Variants in PDCD11 observed in about 807,000 individuals in gnomAD.
The protein encoded by PDCD11 is programmed cell death 11, also known as protein RRP5 homolog.
A neutral mutation model predicts 198.9 loss-of-function variants in PDCD11; 97 were observed. The observed-to-expected ratio is 0.49, with a 90% confidence interval of 0.41 to 0.58. The LOEUF (loss-of-function observed/expected upper bound fraction) is 0.58, where lower values mean the gene tolerates loss of function less well. PDCD11 is among the 20% of genes least tolerant of loss of function. PDCD11 has a pLI of 0.00. For synonymous variants in PDCD11, 893 were observed against 918.0 expected (o/e 0.97, Z 0.49); for missense variants, 2,102 against 2,312.7 (o/e 0.91, Z 1.87).
rs1344025764 is a variant in PDCD11, at chr10:103,418,552, A to G, written c.2024A>G (p.Asn675Ser). ...TCTCATCTGTCGGACCACGTTGCCAACGGCCCATTGTTACATCATTGGCTC... is the reference window on the plus strand; with the variant it reads ...TCTCATCTGTCGGACCACGTTGCCAGCGGCCCATTGTTACATCATTGGCTC... ...PTSHLSDHVANGPLLHHWLQA... is the reference protein window; with the variant it reads ...PTSHLSDHVASGPLLHHWLQA... Residue 675 changes from asparagine to serine, a missense_variant, in exon 15 of 36, where the codon AAC (asparagine) becomes AGC (serine). Asn to Ser is a conservative substitution (Grantham distance 46). Coordinates refer to ENST00000369797, the MANE Select transcript of PDCD11 (RefSeq NM_014976.2). The G allele has an allele frequency of 3.7e-6, 6 of 1,614,042 alleles. No homozygotes were observed. Among genetic ancestry groups the G allele is most frequent in the Admixed American group, 1.7e-5 (1 of 60,000 alleles).
rs541939257 is a variant in PDCD11, at chr10:103,409,675, A to G, written c.871-24A>G. On this transcript the variant is annotated intron_variant, in intron 7 of 35. Transcript: ENST00000369797. ...TGGTTCTTTCAAAGAACTTTTTTTT[A>G]TAACTTGTTCTGTTTATTTCTAGGT... is the stretch of plus-strand genomic sequence containing the variant. The G allele has an allele frequency of 7.3e-4, 1,143 of 1,568,458 alleles. 14 individuals carry two copies. In the South Asian group the frequency reaches 0.011, roughly 15 times the overall value.
chr10:103,408,563 C>T (rs2030602143), intron 7 of PDCD11, among the ~76,000 whole-genome samples: 1 of 151,782 alleles, frequency 6.6e-6, no homozygotes, highest in Non-Finnish European at 1.5e-5. Context: ...ATTTTTGAGA[C>T]AGAGTCTTGC....
chr10:103,419,557 C>T lies in PDCD11; in HGVS notation c.2126C>T (p.Ala709Val), dbSNP rs953781378. 1.2e-6 allele frequency: 2 copies of T among 1,613,612 alleles called. No homozygotes were observed. The highest frequency in any genetic ancestry group is 3.3e-5 in the Admixed American group (2 of 59,920). Residue 709 changes from alanine to valine, a missense_variant, in exon 16 of 36, where the codon GCC becomes GTC. Coordinates refer to ENST00000369797, the MANE Select transcript of PDCD11 (RefSeq NM_014976.2). Reference protein sequence around the residue: ...EGRVLLCRKPALVSTVEGGQD... With the variant: ...EGRVLLCRKPVLVSTVEGGQD... ...CACTAGCTTCTTTGCAGGAAGCCAG[C>T]CTTGGTCTCCACAGTAGAAGGTGGC... is the stretch of plus-strand genomic sequence containing the variant.
chr10:103,418,393 C>A, intron 14 of PDCD11, 47 bp from the exon 15 acceptor site: 1 of 1,483,470 alleles, frequency 6.7e-7, no homozygotes, highest in South Asian at 1.2e-5. Flanking sequence ...CCAGGTTGTT[C>A]TCTGTTCATG....
intron 7 of PDCD11, among the ~76,000 whole-genome samples, chr10:103,408,844 G>A (rs2030620635): frequency 6.6e-6 from 1 of 152,042 alleles, no homozygotes; most frequent in Non-Finnish European, 1.5e-5. Context: ...CCACCTTCTT[G>A]TTGACCGTTT....
Position 103,435,035 on chromosome 10 carries a change from A to AT in PDCD11, c.3845+60_3845+61insT, listed in dbSNP as rs2032094082. Reference sequence around the variant, plus strand: ...GTGGAATTGGTATATTTAAAAAAAAACGTTGTTGTAATACATGACTTTTTA... The same window carrying AT: ...GTGGAATTGGTATATTTAAAAAAAAATCGTTGTTGTAATACATGACTTTTTA... On this transcript the variant is annotated intron_variant, in intron 25 of 35. Coordinates refer to ENST00000369797, the MANE Select transcript of PDCD11 (RefSeq NM_014976.2). The AT allele has an allele frequency of 1.0e-5, 13 of 1,298,636 alleles. No individual in the cohort carries two copies. The East Asian group carries it at 3.5e-4, about 35-fold the overall frequency. 80.4% of individuals were successfully genotyped at this position (1,298,636 alleles called of 1,614,324 possible).
chr10:103,444,816 G>T, intron 35 of PDCD11, 134 bp downstream of exon 35: 1 of 796,942 alleles, frequency 1.3e-6, no homozygotes, highest in Non-Finnish European at 2.1e-6. Flanking sequence ...CCCAGGCCCA[G>T]TGACATTCAC....
At chr10:103,404,784 T>C (rs893782690) in intron 4 of PDCD11, among the ~76,000 whole-genome samples, 1 of 152,216 alleles carries the variant, frequency 6.6e-6, no homozygotes, top group Non-Finnish European at 1.5e-5. Context: ...TAGACAACTC[T>C]TTTGACAAGT....
At chr10:103,419,457 C>T (rs3740382) in intron 15 of PDCD11, 81 bp from the exon 16 acceptor site, 530,462 of 1,472,236 alleles carry the variant, frequency 0.36, 97,845 homozygotes, top group South Asian at 0.49. Flanking sequence ...CAGTTCTGTC[C>T]TTCTCTGTGG....
At chr10:103,404,563 T>G (rs1374464262) in intron 4 of PDCD11, among the ~76,000 whole-genome samples, 1 of 152,148 alleles carries the variant, frequency 6.6e-6, no homozygotes, top group Non-Finnish European at 1.5e-5. Flanking sequence ...CCTCCCTAAG[T>G]GCTGGGATTA....
chr10:103,431,769 A>G (rs2031945376), intron 21 of PDCD11, among the ~76,000 whole-genome samples: 1 of 152,226 alleles, frequency 6.6e-6, no homozygotes, highest in African/African-American at 2.4e-5. Flanking sequence ...TCCCCTGCTG[A>G]ACTCACACAG....
chr10:103,423,247 T>G (rs1337561641), intron 18 of PDCD11, 110 bp downstream of exon 18: 12 of 1,184,532 alleles, frequency 1.0e-5, no homozygotes, highest in Non-Finnish European at 1.3e-5. Context: ...GTTGATTCGG[T>G]AGAGATTTTT....
At chr10:103,427,534 G>C in intron 21 of PDCD11, 143 bp downstream of exon 21, 1 of 660,900 alleles carries the variant, frequency 1.5e-6, no homozygotes, top group Non-Finnish European at 2.6e-6. Flanking sequence ...TCTCTAGTGG[G>C]GATATTTGGT....
intron 12 of PDCD11, among the ~76,000 whole-genome samples, chr10:103,415,606 G>A (rs1008415184): frequency 2.0e-5 from 3 of 152,236 alleles, no homozygotes; most frequent in Non-Finnish European, 4.4e-5. Context: ...CATTTTGCGG[G>A]TGGGGAAATT....
intron 3 of PDCD11, 40 bp from the exon 4 acceptor site, chr10:103,403,078 T>A: frequency 6.3e-7 from 1 of 1,589,192 alleles, no homozygotes; most frequent in Non-Finnish European, 8.6e-7. Flanking sequence ...CTATTGTTGT[T>A]CCCATCCTTA....
intron 26 of PDCD11, 77 bp downstream of exon 26, chr10:103,438,148 C>T: frequency 7.8e-7 from 1 of 1,275,640 alleles, no homozygotes; most frequent in African/African-American, 1.5e-5. Context: ...GTATCTGACA[C>T]AGAATTTTGG....
intron 8 of PDCD11, 120 bp downstream of exon 8, chr10:103,409,926 T>C (rs2030694119): frequency 2.8e-6 from 2 of 714,404 alleles, no homozygotes; most frequent in Non-Finnish European, 5.0e-6. Flanking sequence ...AGAGAGGAGA[T>C]GAGAGGAATA....
chr10:103,400,788 G>A (rs552464537), intron 3 of PDCD11, among the ~76,000 whole-genome samples: 1 of 152,196 alleles, frequency 6.6e-6, no homozygotes, highest in Admixed American at 6.5e-5. Flanking sequence ...GCCTGACTCT[G>A]TTGCTCAGGC....
At chr10:103,437,632 C>T (rs909068188) in intron 25 of PDCD11, among the ~76,000 whole-genome samples, 11 of 152,224 alleles carry the variant, frequency 7.2e-5, no homozygotes, top group Admixed American at 1.3e-4. Context: ...GGACTACAGG[C>T]GCCCGCCACC....
Sources: allele counts gnomAD v4.1 joint callset (sites outside exome capture counted in the v4.1 genomes callset), GRCh38; gene constraint gnomAD v4.1.1; transcripts MANE v1.5; gene names NCBI Gene and HGNC (gene_info 2026-07-23, HGNC 2026-07-21).